The following MROH7 variants were observed in gnomAD, a reference collection of about 807,000 sequenced individuals.
The protein encoded by MROH7 is maestro heat like repeat family member 7, also known as maestro heat-like repeat-containing protein family member 7.
In MROH7, 113 loss-of-function variants were observed where a neutral mutation model predicts 129.2. The observed-to-expected ratio is 0.87, with a 90% CI of 0.75 to 1.02. MROH7 has a LOEUF of 1.02. Among genes scored for constraint, MROH7 ranks in the 50% least tolerant of loss-of-function variants. MROH7 has a pLI of 0.00. For missense variants in MROH7, 1,601 were observed against 1,671.3 expected, an observed-to-expected ratio of 0.96 and a Z score of 0.73; for synonymous variants, 655 against 667.9, an observed-to-expected ratio of 0.98 and a Z score of 0.30.
At position 54,680,061 on chromosome 1, in the gene MROH7, G is replaced by A. The variant is rs763303259; in HGVS notation, c.2381+16G>A. On this transcript the variant is annotated intron_variant, in intron 13 of 23. Transcript: ENST00000421030. ...CACTGAACAGGTACCAAGTGAAGGG[G>A]TTCCCAGCCACTGCATCTTACAGGG... The A allele has an allele frequency of 3.7e-6, 6 of 1,610,130 alleles. No individual in the cohort carries two copies. The African/African-American group carries it at 6.7e-5, about 18-fold the overall frequency.
At position 54,694,857 on chromosome 1, in the gene MROH7, C is replaced by T. The variant is rs528796475; in HGVS notation, c.2850-519C>T. ...AGGACCACTGGCTTAGTAGAATGAA[C>T]GAGGCAGCTGGAATGTGAGCCCTCG... is the stretch of plus-strand genomic sequence containing the variant. On this transcript the variant is annotated intron_variant, in intron 16 of 23. Transcript: ENST00000421030. 5.9e-5 allele frequency among the ~76,000 whole-genome samples: 9 copies of T among 152,292 alleles called. No homozygotes were observed. The South Asian group carries it at 8.3e-4, about 14-fold the overall frequency.
chr1:54,670,166 A>C (rs572105638), intron 5 of MROH7, among the ~76,000 whole-genome samples: 1 of 152,058 alleles, frequency 6.6e-6, no homozygotes, highest in South Asian at 2.1e-4. Flanking sequence ...CCAGTTCCAT[A>C]GTTTGAATAT....
intron 10 of MROH7, among the ~76,000 whole-genome samples, chr1:54,676,031 A>G (rs1344862206): frequency 3.3e-5 from 5 of 152,200 alleles, no homozygotes; most frequent in African/African-American, 1.2e-4. Flanking sequence ...AATAAAAAAT[A>G]CAGGATACCC....
intron 10 of MROH7, among the ~76,000 whole-genome samples, chr1:54,676,689 C>T (rs1228794994): frequency 1.3e-5 from 2 of 151,020 alleles, no homozygotes; most frequent in African/African-American, 2.4e-5. Flanking sequence ...GCCACTGTGC[C>T]TGGCCCAGCT....
chr1:54,669,233 T>C (rs76795289), intron 5 of MROH7, among the ~76,000 whole-genome samples: 2,455 of 152,304 alleles, frequency 0.016, 20 homozygotes, highest in Non-Finnish European at 0.028. Context: ...AGTAAAGGCT[T>C]GTACACCCAG....
Position 54,706,519 on chromosome 1 carries a change from T to C in MROH7, c.3649T>C (p.Cys1217Arg). The change falls in exon 22 of 24, where the codon TGC becomes CGC. Residue 1217 changes from cysteine (C) to arginine (R), a missense_variant. Physicochemically the swap from Cys to Arg is radical, Grantham distance 180 (BLOSUM62 -3). Transcript: ENST00000421030. ...GAACTCACGGGCCTCCCTCCGGAAG[T>C]GCTCAGTCATGTTCATAGGTAACCT... ...AKNSRASLRK[C>R]SVMFIGSLVP... The C allele has an allele frequency of 6.2e-7, 1 of 1,613,162 alleles. No homozygotes were observed. Among genetic ancestry groups the C allele is most frequent in the Non-Finnish European group, 8.5e-7 (1 of 1,179,670 alleles).
At chr1:54,708,957 T>C in intron 22 of MROH7, 57 bp from the exon 23 acceptor site, 2 of 1,274,818 alleles carry the variant, frequency 1.6e-6, no homozygotes, top group Non-Finnish European at 2.1e-6. Context: ...TAAGGGTGGG[T>C]TGGGGTGGGG....
chr1:54,702,693 G>A lies in MROH7; in HGVS notation c.3512G>A (p.Arg1171Gln), dbSNP rs201876492. 1,644 of 1,613,594 alleles carry A rather than the reference G, an allele frequency of 1.0e-3. 1 individual carries two copies. Among genetic ancestry groups the A allele is most frequent in the Admixed American group, 1.3e-3 (80 of 59,950 alleles). Residue 1171 changes from arginine (R) to glutamine (Q), a missense_variant, in exon 21 of 24, where the codon CGG becomes CAG. By Grantham distance (43) the Arg-to-Gln change is conservative. Transcript: ENST00000421030. ...AWELPKRAYS[R>Q]KPWDNQQQTV... Reference sequence around the variant, plus strand: ...GAGTTGCCAAAAAGAGCTTATAGCCGGAAGCCCTGGGACAACCAACAGCAG... The same window carrying A: ...GAGTTGCCAAAAAGAGCTTATAGCCAGAAGCCCTGGGACAACCAACAGCAG...
rs776302756 is a variant in MROH7 at position 54,710,039 on chromosome 1, C to T, written c.3824C>T (p.Ser1275Phe). 25 of 1,614,140 alleles carry T rather than the reference C, an allele frequency of 1.5e-5. No homozygotes were observed. The South Asian group carries it at 2.3e-4, about 15-fold the overall frequency. Reference sequence around the variant, plus strand: ...ATCCTGGCCAGCTGCTGGCAGAACTCCTGGCTGCCGCACGGGAACTCATGG... The same window carrying T: ...ATCCTGGCCAGCTGCTGGCAGAACTTCTGGCTGCCGCACGGGAACTCATGG... Reference protein sequence around the residue: ...DHILASCWQNSWLPHGNSWVC... With the variant: ...DHILASCWQNFWLPHGNSWVC... Residue 1275 changes from serine to phenylalanine, a missense_variant, in exon 24 of 24, where the codon TCC becomes TTC. Transcript: ENST00000421030.
At chr1:54,659,541 G>A (rs1286668912) in intron 3 of MROH7, among the ~76,000 whole-genome samples, 8 of 149,922 alleles carry the variant, frequency 5.3e-5, no homozygotes, top group Non-Finnish European at 1.0e-4. Flanking sequence ...CACAACCTCT[G>A]CCTCCGGGTT....
At chr1:54,664,389 G>A (rs1644780108) in intron 3 of MROH7, among the ~76,000 whole-genome samples, 1 of 152,228 alleles carries the variant, frequency 6.6e-6, no homozygotes, top group Non-Finnish European at 1.5e-5. Context: ...CCAGGGTGGG[G>A]GTGGCCTTTC....
chr1:54,689,865 C>T (rs979494710), intron 15 of MROH7, among the ~76,000 whole-genome samples: 1 of 152,128 alleles, frequency 6.6e-6, no homozygotes, highest in Non-Finnish European at 1.5e-5. Context: ...AAAAAATTAG[C>T]CAGGTGTGTG....
Position 54,652,847 on chromosome 1 carries a change from C to T in MROH7, c.-74-6C>T. The T allele has an allele frequency of 6.6e-7, 1 of 1,512,186 alleles. No individual in the cohort carries two copies. Among genetic ancestry groups the T allele is most frequent in the Non-Finnish European group, 8.8e-7 (1 of 1,130,238 alleles). 93.7% of individuals were successfully genotyped at this position (1,512,186 alleles called of 1,614,324 possible). ...ATGGCTGCATTTGTCTTTTCTCTCT[C>T]TCAAGACTGCTGCTGGGAATGTGAC... On this transcript the variant is annotated splice_polypyrimidine_tract_variant and splice_region_variant and intron_variant, in intron 2 of 23. Coordinates refer to ENST00000421030, the MANE Select transcript of MROH7 (RefSeq NM_001039464.4).
intron 3 of MROH7, among the ~76,000 whole-genome samples, chr1:54,655,295 T>A (rs201924741): frequency 6.6e-6 from 1 of 151,942 alleles, no homozygotes; most frequent in Admixed American, 6.6e-5. Context: ...GATTACAGGC[T>A]TGAGCCACCA....
chr1:54,699,159 T>TTTCTTTCCTTTCTTTCTTTCTTTC (rs71048705), intron 17 of MROH7: 2 of 65,920 alleles, frequency 3.0e-5, no homozygotes, highest in African/African-American at 1.1e-4. Context: ...TCTTTCTTTC[T>TTTCTTTCCTTTCTTTCTTTCTTTC]TTTCTTTCTT....
chr1:54,695,810 GCAGAGGACA>G (rs1385265369), intron 17 of MROH7: 1 of 385,266 alleles, frequency 2.6e-6, no homozygotes, highest in Non-Finnish European at 5.0e-6. Flanking sequence ...TTTTGGTGTG[GCAGAGGACA>G]CAGAGGACAC....
At position 54,701,273 on chromosome 1, in the gene MROH7, G is replaced by C. The variant is rs1211006442; in HGVS notation, c.3236G>C (p.Ser1079Thr). 1.2e-6 allele frequency: 2 copies of C among 1,612,432 alleles called. No individual in the cohort carries two copies. Among genetic ancestry groups the C allele is most frequent in the South Asian group, 2.2e-5 (2 of 90,894 alleles). The change falls in exon 19 of 24, where the codon AGT becomes ACT. Residue 1079 changes from serine (S) to threonine (T), a missense_variant. Transcript: ENST00000421030. Reference protein sequence around the residue: ...FKGRDQKLMDSAVYVEMLQIL... With the variant: ...FKGRDQKLMDTAVYVEMLQIL... ...GGGCGGGACCAGAAGCTGATGGACA[G>C]TGCGGTCTATGTGGAGATGCTGCAG...
chr1:54,664,261 C>A (rs1248393811), intron 3 of MROH7, among the ~76,000 whole-genome samples: 1 of 152,210 alleles, frequency 6.6e-6, no homozygotes, highest in Non-Finnish European at 1.5e-5. Context: ...AGATTGGGGG[C>A]TGACAGAACA....
At chr1:54,645,655 C>CTTTT (rs60788847) in intron 1 of MROH7, among the ~76,000 whole-genome samples, 7 of 124,246 alleles carry the variant, frequency 5.6e-5, no homozygotes, top group South Asian at 2.7e-4. Flanking sequence ...TTCTTTCTTT[C>CTTTT]TTTTTTTTTT....
Sources: gnomAD v4.1 joint callset for allele counts (sites outside exome capture counted in the v4.1 genomes callset) on GRCh38, gnomAD v4.1.1 for gene constraint, MANE v1.5 for transcripts, NCBI Gene and HGNC (gene_info 2026-07-23, HGNC 2026-07-21) for gene names.